The following CLPB variants were observed in gnomAD, a reference collection of about 807,000 sequenced individuals.
The protein encoded by CLPB is ClpB family mitochondrial disaggregase.
Under a neutral mutation model 78.4 loss-of-function variants are expected in CLPB, and 40 were observed. The observed-to-expected ratio is 0.51, with a 90% confidence interval of 0.40 to 0.66. The LOEUF (loss-of-function observed/expected upper bound fraction) is 0.66. Among genes scored for constraint, CLPB ranks in the 30% least tolerant of loss-of-function variants. CLPB has a pLI of 0.00. For missense variants in CLPB, 780 were observed against 886.9 expected (o/e 0.88, Z 1.53); for synonymous variants, 333 against 348.0 (o/e 0.96, Z 0.48).
chr11:72,295,167 T>A (rs1466608812), intron 12 of CLPB, among the ~76,000 whole-genome samples: 1 of 152,196 alleles, frequency 6.6e-6, no homozygotes, highest in Non-Finnish European at 1.5e-5. Context: ...CACCAAAGCA[T>A]CTGTGTCTCT....
intron 5 of CLPB, among the ~76,000 whole-genome samples, chr11:72,345,439 T>C (rs1950495457): frequency 6.6e-6 from 1 of 152,230 alleles, no homozygotes; most frequent in Admixed American, 6.5e-5. Flanking sequence ...ATGCTACCTT[T>C]TGTGTAGGCA....
chr11:72,431,713 G>GA (rs919830267), intron 1 of CLPB, among the ~76,000 whole-genome samples: 11 of 152,158 alleles, frequency 7.2e-5, no homozygotes, highest in Admixed American at 2.0e-4. Flanking sequence ...TCACTCTGCA[G>GA]AAAAAAATGT....
intron 2 of CLPB, among the ~76,000 whole-genome samples, chr11:72,426,976 TG>T (rs1488218687): frequency 6.6e-6 from 1 of 151,286 alleles, no homozygotes; most frequent in East Asian, 1.9e-4. Flanking sequence ...AGGATCAGAG[TG>T]GGGGGAAGAG....
At chr11:72,413,745 G>A (rs929952305) in intron 2 of CLPB, among the ~76,000 whole-genome samples, 10 of 152,068 alleles carry the variant, frequency 6.6e-5, no homozygotes, top group African/African-American at 2.2e-4. Flanking sequence ...TCATGATATT[G>A]ACATTTTTTG....
chr11:72,341,151 C>T (rs1419140204), intron 5 of CLPB, among the ~76,000 whole-genome samples: 2 of 152,160 alleles, frequency 1.3e-5, no homozygotes, highest in African/African-American at 2.4e-5. Flanking sequence ...AGAGAAAAGC[C>T]TTAGTCCAGA....
rs748476733 is a variant in CLPB, at chr11:72,380,347, T to C, written c.580A>G (p.Asn194Asp). ...QVLLAAGADP[N>D]LGDDFSSVYK... Reference sequence around the variant, plus strand: ...ACACTGCTGAAATCATCTCCAAGGTTTGGATCAGCCCCAGCAGCAAGCAGG... The same window carrying C: ...ACACTGCTGAAATCATCTCCAAGGTCTGGATCAGCCCCAGCAGCAAGCAGG... Residue 194 changes from asparagine (N) to aspartate (D), a missense_variant, in exon 4 of 16, where the codon AAC becomes GAC. Transcript: ENST00000538039. The C allele has an allele frequency of 6.2e-7, 1 of 1,614,142 alleles. No individual in the cohort carries two copies. Among genetic ancestry groups the C allele is most frequent in the Non-Finnish European group, 8.5e-7 (1 of 1,180,000 alleles).
intron 15 of CLPB, 86 bp from the exon 16 acceptor site, chr11:72,293,701 C>G: frequency 6.8e-7 from 1 of 1,463,820 alleles, no homozygotes; most frequent in Middle Eastern, 1.9e-4. Flanking sequence ...TAGGGCAACT[C>G]AGAGACCTCC....
chr11:72,427,223 T>A (rs1856410662), intron 2 of CLPB, among the ~76,000 whole-genome samples: 1 of 152,186 alleles, frequency 6.6e-6, no homozygotes, highest in Non-Finnish European at 1.5e-5. Context: ...TGCCCTTCAC[T>A]ATCCAGAACT....
rs1949386002 is a variant in CLPB at position 72,286,221 on chromosome 11, C to CTGTT, written c.*7142_*7145dup. ...AGATTACAGGTGTGAGATACTGCAC[C>CTGTT]TGTTTTTTTTTTTTTTTTTTTTTTT... On this transcript the variant is annotated 3_prime_UTR_variant, in exon 16 of 16. Transcript: ENST00000538039. 1 of 59,120 alleles carries CTGTT rather than the reference C, an allele frequency of 1.7e-5. No individual in the cohort carries two copies. The highest frequency in any genetic ancestry group is 3.5e-5 in the Non-Finnish European group (1 of 28,454). 3.7% of individuals were successfully genotyped at this position (59,120 alleles called of 1,614,324 possible).
chr11:72,317,092 T>C lies in CLPB; in HGVS notation c.988+14A>G. On this transcript the variant is annotated intron_variant, in intron 7 of 15. Coordinates refer to ENST00000538039, the MANE Select transcript of CLPB (RefSeq NM_001258392.3). ...GGGCACCACTCTGCCCTTTCTGGTG[T>C]CCCACACACTCACCAGCACCCACTG... 1 of 1,586,494 alleles carries C rather than the reference T, an allele frequency of 6.3e-7. No individual in the cohort carries two copies. Among genetic ancestry groups the C allele is most frequent in the East Asian group, 2.3e-5 (1 of 44,168 alleles).
In CLPB at chr11:72,295,502, G is replaced by A. The variant is rs139236388; in HGVS notation, c.1476C>T (p.Ala492=). Residue 492 remains alanine (A), a synonymous_variant, in exon 12 of 16, where the codon GCC becomes GCT. Transcript: ENST00000538039. ...EALEMSRNRI[A]ENLGDVQISD... is the part of the protein sequence containing the mutation. ...GGTCAGCCGCCATACCCAGGTTTTC[G>A]GCAATACGGTTACGGCTCATCTCCA... 7.2e-5 allele frequency: 116 copies of A among 1,613,986 alleles called. No individual in the cohort carries two copies. The highest frequency in any genetic ancestry group is 3.0e-4 in the Admixed American group (18 of 60,014).
intron 3 of CLPB, among the ~76,000 whole-genome samples, chr11:72,399,366 C>G (rs1054761927): frequency 6.6e-6 from 1 of 151,958 alleles, no homozygotes; most frequent in Non-Finnish European, 1.5e-5. Context: ...TTCCTTTAAC[C>G]AATATGATTT....
intron 2 of CLPB, among the ~76,000 whole-genome samples, chr11:72,422,173 G>A (rs1229731884): frequency 6.6e-6 from 1 of 150,820 alleles, no homozygotes; most frequent in Non-Finnish European, 1.5e-5. Flanking sequence ...GGCTGAGGCA[G>A]GAGAATGGCG....
rs1949406966 is a variant in CLPB at position 72,287,753 on chromosome 11, T to A, written c.*5614A>T. The A allele has an allele frequency of 6.6e-6, 1 of 152,234 alleles. No individual in the cohort carries two copies. Among genetic ancestry groups the A allele is most frequent in the African/African-American group, 2.4e-5 (1 of 41,456 alleles). 9.4% of individuals were successfully genotyped at this position (152,234 alleles called of 1,614,324 possible). A position where few individuals can be genotyped will look rare whatever the true frequency, so the allele number is the denominator to read the frequency against. ...ATTCAAACTATTTCTAGGATCAGTG[T>A]TTGCTGGGAAATTATCCATTTCCTC... On this transcript the variant is annotated 3_prime_UTR_variant, in exon 16 of 16. Coordinates refer to ENST00000538039, the MANE Select transcript of CLPB (RefSeq NM_001258392.3).
rs1565418099 is a variant in CLPB, at chr11:72,294,028, T to C, written c.1779A>G (p.Lys593=). ...CTCAGGCTCCTGTGCTCACCTCATG[T>C]TTGATGGAGCGGGCGCCATAGTGCA... The part of the protein sequence containing the change: ...YNVHYGARSI[K]HEVERRVVNQ... The change falls in exon 15 of 16, where the codon AAA becomes AAG. Residue 593 remains lysine, a synonymous_variant. Transcript: ENST00000538039. 1 of 1,613,682 alleles carries C rather than the reference T, an allele frequency of 6.2e-7. No homozygotes were observed. The highest frequency in any genetic ancestry group is 8.5e-7 in the Non-Finnish European group (1 of 1,179,750).
intron 8 of CLPB, among the ~76,000 whole-genome samples, chr11:72,308,194 G>A (rs868384663): frequency 2.0e-5 from 3 of 152,242 alleles, no homozygotes; most frequent in Non-Finnish European, 4.4e-5. Flanking sequence ...GGGCAGAGGA[G>A]GTGGTTCAAC....
chr11:72,295,448 G>A, intron 12 of CLPB, 44 bp downstream of exon 12: 1 of 1,596,972 alleles, frequency 6.3e-7, no homozygotes, highest in Non-Finnish European at 8.6e-7. Context: ...AGATAGGCTG[G>A]TGGCTTGGTC....
At chr11:72,367,747 T>C (rs187249831) in intron 4 of CLPB, among the ~76,000 whole-genome samples, 161 of 151,676 alleles carry the variant, frequency 1.1e-3, no homozygotes, top group Non-Finnish European at 2.1e-3. Context: ...ATGTAGCCCC[T>C]GAATCTAAAA....
intron 3 of CLPB, among the ~76,000 whole-genome samples, chr11:72,385,434 T>C (rs769105308): frequency 2.6e-5 from 4 of 152,244 alleles, no homozygotes; most frequent in Non-Finnish European, 4.4e-5. Context: ...GTTTCTTCAA[T>C]GGATATATAC....
Sources: allele counts gnomAD v4.1 joint callset (sites outside exome capture counted in the v4.1 genomes callset), GRCh38; gene constraint gnomAD v4.1.1; transcripts MANE v1.5; gene names NCBI Gene and HGNC (gene_info 2026-07-23, HGNC 2026-07-21).